The following DYM variants were observed in gnomAD, a reference collection of about 807,000 sequenced individuals.
DYM encodes the protein dymeclin.
Under a neutral mutation model 93.1 loss-of-function variants are expected in DYM, and 78 were observed. The observed-to-expected ratio is 0.84, with a 90% confidence interval of 0.70 to 1.01. The LOEUF is 1.01. Among genes scored for constraint, DYM ranks in the 50% least tolerant of loss-of-function variants. The probability of loss-of-function intolerance (pLI) is 0.00; values close to 1 mark genes in which losing one functional copy is unlikely to be tolerated. For missense variants in DYM, 789 were observed against 845.0 expected, an observed-to-expected ratio of 0.93 and a Z score of 0.82; for synonymous variants, 321 against 319.7, an observed-to-expected ratio of 1.00 and a Z score of -0.04.
At chr18:49,187,036 C>T (rs969233582) in intron 14 of DYM, among the ~76,000 whole-genome samples, 1 of 151,494 alleles carries the variant, frequency 6.6e-6, no homozygotes, top group Non-Finnish European at 1.5e-5. Flanking sequence ...TCTCCTGCCT[C>T]AGCCGTCCGA....
At chr18:49,353,565 TAATTTA>T (rs2065297690) in intron 6 of DYM, among the ~76,000 whole-genome samples, 1 of 151,952 alleles carries the variant, frequency 6.6e-6, no homozygotes, top group East Asian at 1.9e-4. Flanking sequence ...CTAAAAATGA[TAATTTA>T]AATATAATAG....
At chr18:49,250,253 A>C (rs946318439) in intron 13 of DYM, among the ~76,000 whole-genome samples, 1 of 152,212 alleles carries the variant, frequency 6.6e-6, no homozygotes, top group Non-Finnish European at 1.5e-5. Context: ...AAGAAATATA[A>C]AATAAGTCTT....
Position 49,430,404 on chromosome 18 carries a change from T to C in DYM, c.-10A>G, listed in dbSNP as rs1346070844. 5 of 1,613,000 alleles carry C rather than the reference T, an allele frequency of 3.1e-6. No individual in the cohort carries two copies. The African/African-American group carries it at 6.7e-5, about 22-fold the overall frequency. On this transcript the variant is annotated 5_prime_UTR_variant, in exon 2 of 18. Coordinates refer to ENST00000675505, the MANE Select transcript of DYM (RefSeq NM_001353214.3). ...TGCTATTCGATCCCATCTTCTAGCT[T>C]AAGCAGATAATTTGTCCTTAAACCT...
chr18:49,314,376 T>C (rs2146422451), intron 8 of DYM, among the ~76,000 whole-genome samples: 1 of 152,326 alleles, frequency 6.6e-6, no homozygotes, highest in Non-Finnish European at 1.5e-5. Context: ...CTGTTGATGG[T>C]CTTCTGACTT....
At chr18:49,155,735 T>G (rs191956111) in intron 15 of DYM, among the ~76,000 whole-genome samples, 71 of 152,362 alleles carry the variant, frequency 4.7e-4, no homozygotes, top group African/African-American at 1.7e-3. Context: ...TATCGTATGA[T>G]GCACTGAGAA....
chr18:49,281,336 C>T (rs1186220168), intron 10 of DYM, among the ~76,000 whole-genome samples: 50 of 152,284 alleles, frequency 3.3e-4, no homozygotes, highest in Non-Finnish European at 1.0e-4. Flanking sequence ...GAAATAGGAA[C>T]ACTTTTACAC....
At chr18:49,408,969 T>C (rs548697158) in intron 2 of DYM, among the ~76,000 whole-genome samples, 2 of 152,064 alleles carry the variant, frequency 1.3e-5, no homozygotes, top group East Asian at 3.9e-4. Flanking sequence ...AAATATTCAG[T>C]TGTGACAGAA....
chr18:49,297,085 T>C lies in DYM; in HGVS notation c.764-10469A>G, dbSNP rs192376914. On this transcript the variant is annotated intron_variant, in intron 8 of 17. Transcript: ENST00000675505. ...ATATTTGCTATTTAAAGGAAAAGGA[T>C]GTTATCTTCAAAGTTCTAAATATAG... Among the ~76,000 whole-genome samples the C allele has an allele frequency of 1.5e-3, 222 of 152,350 alleles. 2 individuals are homozygous for C. The highest frequency in any genetic ancestry group is 8.8e-5 in the Non-Finnish European group (6 of 68,022).
intron 1 of DYM, among the ~76,000 whole-genome samples, chr18:49,455,741 C>T (rs1377488227): frequency 6.6e-6 from 1 of 152,102 alleles, no homozygotes; most frequent in Non-Finnish European, 1.5e-5. Context: ...CACCTGAGGT[C>T]AGGAGTTCGA....
chr18:49,043,759 T>A lies in DYM; in HGVS notation c.*296A>T, dbSNP rs2071109761. ...GTGATGTGCCTAAGGCAACAGGATC[T>A]TGGGAAAGCTCTAGATTTTTGGCTT... On this transcript the variant is annotated 3_prime_UTR_variant, in exon 18 of 18. Transcript: ENST00000675505. 5 of 410,666 alleles carry A rather than the reference T, an allele frequency of 1.2e-5. No individual in the cohort carries two copies. The highest frequency in any genetic ancestry group is 3.8e-5 in the Admixed American group (1 of 26,012). 25.4% of individuals were successfully genotyped at this position (410,666 alleles called of 1,614,324 possible).
At chr18:49,061,073 T>C (rs2075954414) in intron 17 of DYM, among the ~76,000 whole-genome samples, 2 of 152,168 alleles carry the variant, frequency 1.3e-5, no homozygotes, top group African/African-American at 4.8e-5. Context: ...CCACAGAAGA[T>C]ACCAAAAAGT....
chr18:49,127,785 G>A (rs1282417816), intron 15 of DYM, among the ~76,000 whole-genome samples: 1 of 152,208 alleles, frequency 6.6e-6, no homozygotes, highest in Non-Finnish European at 1.5e-5. Flanking sequence ...AAAATACTGA[G>A]CTTCTGATAG....
intron 14 of DYM, among the ~76,000 whole-genome samples, chr18:49,189,715 G>A (rs4939846): frequency 0.68 from 103,340 of 152,012 alleles, 35,649 homozygotes; most frequent in Non-Finnish European, 0.74. Flanking sequence ...TGTATATAGA[G>A]TCAATGCACA....
chr18:49,286,726 T>G (rs897666411), intron 8 of DYM, 110 bp from the exon 9 acceptor site: 31 of 1,097,188 alleles, frequency 2.8e-5, no homozygotes, highest in Non-Finnish European at 4.1e-5. Flanking sequence ...AGTTCCAAAG[T>G]GTAGAACAAG....
chr18:49,269,411 G>T (rs1041034842), intron 11 of DYM, among the ~76,000 whole-genome samples: 15 of 152,134 alleles, frequency 9.9e-5, no homozygotes, highest in African/African-American at 3.4e-4. Flanking sequence ...GATTCTTAAA[G>T]AAATTAAAAA....
At chr18:49,441,254 ATATATAATTATATAATATATAT>A (rs1221514945) in intron 1 of DYM, among the ~76,000 whole-genome samples, 2 of 37,414 alleles carry the variant, frequency 5.3e-5, no homozygotes, top group East Asian at 1.9e-3. Context: ...TAATATTGTT[ATATATAATTATATAATATATAT>A]TATATAATTA....
chr18:49,349,705 C>T (rs984891849), intron 6 of DYM, among the ~76,000 whole-genome samples: 1 of 152,128 alleles, frequency 6.6e-6, no homozygotes, highest in African/African-American at 2.4e-5. Flanking sequence ...TCTGTCATCC[C>T]AAAACTTTGG....
At chr18:49,394,030 A>G (rs2069727574) in intron 2 of DYM, among the ~76,000 whole-genome samples, 2 of 152,174 alleles carry the variant, frequency 1.3e-5, no homozygotes, top group African/African-American at 4.8e-5. Context: ...TCAGTTTGCC[A>G]AGATTAAAAA....
intron 14 of DYM, among the ~76,000 whole-genome samples, chr18:49,182,845 C>G (rs1286715766): frequency 2.0e-5 from 3 of 152,124 alleles, no homozygotes; most frequent in Non-Finnish European, 4.4e-5. Flanking sequence ...TTGCCTGATG[C>G]CCAGTGTCTC....
Sources: allele counts gnomAD v4.1 joint callset (sites outside exome capture counted in the v4.1 genomes callset), GRCh38; gene constraint gnomAD v4.1.1; transcripts MANE v1.5; gene names NCBI Gene and HGNC (gene_info 2026-07-23, HGNC 2026-07-21).